Variants in SCD5 observed in about 807,000 individuals in gnomAD.
SCD5 encodes stearoyl-CoA desaturase 5, also known as acyl-CoA-desaturase 4.
Under a neutral mutation model 30.4 loss-of-function variants are expected in SCD5, and 20 were observed. The ratio of observed to expected loss-of-function variants is 0.66; its 90% CI spans 0.46 to 0.96. The LOEUF (loss-of-function observed/expected upper bound fraction) is 0.96. Ranked by LOEUF, SCD5 falls within the 40% of genes least tolerant of loss-of-function variation. The pLI is 0.00. For missense variants in SCD5, 381 were observed against 443.3 expected (o/e 0.86, Z 1.26); for synonymous variants, 173 against 176.4 (o/e 0.98, Z 0.16).
intron 3 of SCD5, among the ~76,000 whole-genome samples, chr4:82,664,174 C>T (rs542239923): frequency 2.0e-4 from 30 of 152,264 alleles, no homozygotes; most frequent in African/African-American, 7.2e-4. Context: ...ACTCCTCTGG[C>T]ACATCAGGCT....
chr4:82,689,615 G>A (rs138799661), intron 2 of SCD5, among the ~76,000 whole-genome samples: 13 of 152,298 alleles, frequency 8.5e-5, no homozygotes, highest in African/African-American at 2.9e-4. Flanking sequence ...TTTTGCAGCT[G>A]TCATGGCAAT....
At chr4:82,721,088 G>A (rs966099610) in intron 1 of SCD5, among the ~76,000 whole-genome samples, 1 of 152,140 alleles carries the variant, frequency 6.6e-6, no homozygotes, top group African/African-American at 2.4e-5. Flanking sequence ...TTGAGCCCAG[G>A]ATTTTGAGGC....
At chr4:82,796,067 G>C (rs964941455) in intron 1 of SCD5, among the ~76,000 whole-genome samples, 1 of 151,844 alleles carries the variant, frequency 6.6e-6, no homozygotes, top group African/African-American at 2.4e-5. Flanking sequence ...TCAGGAGATT[G>C]AGACCATCCT....
In SCD5 at chr4:82,636,742, C is replaced by T. The variant is rs1321401265; in HGVS notation, c.651G>A (p.Trp217Ter). 3.1e-6 allele frequency: 5 copies of T among 1,614,088 alleles called. No homozygotes were observed. The highest frequency in any genetic ancestry group is 1.1e-5 in the South Asian group (1 of 91,076). Residue 217 changes from tryptophan (W) to a stop codon, truncating the protein, a stop_gained, in exon 4 of 5, where the codon TGG (tryptophan) becomes TGA (stop). Transcript: ENST00000319540. LOFTEE classifies it high-confidence loss of function. ...GAATAGAGGCCAAGAAGTAGGAATTCCACAGACTCTCTCCCCAGATGTACC... is the reference window on the plus strand; with the variant it reads ...GAATAGAGGCCAAGAAGTAGGAATTTCACAGACTCTCTCCCCAGATGTACC... Reference protein sequence around the residue: ...VPWYIWGESLWNSYFLASILR... With the variant: ...VPWYIWGESL
intron 2 of SCD5, among the ~76,000 whole-genome samples, chr4:82,686,895 GC>G (rs1402792029): frequency 6.6e-6 from 1 of 152,114 alleles, no homozygotes; most frequent in African/African-American, 2.4e-5. Flanking sequence ...TCTTCGCCGG[GC>G]AGGGTGGCTC....
chr4:82,665,017 A>ATATATG (rs1180189591), intron 3 of SCD5, among the ~76,000 whole-genome samples: 1 of 118,114 alleles, frequency 8.5e-6, no homozygotes, highest in East Asian at 2.3e-4. Context: ...ATATATATAT[A>ATATATG]TATGTATAAT....
At chr4:82,756,257 A>G (rs1256788744) in intron 1 of SCD5, among the ~76,000 whole-genome samples, 2 of 152,302 alleles carry the variant, frequency 1.3e-5, no homozygotes, top group African/African-American at 4.8e-5. Flanking sequence ...ATGGTGGGTC[A>G]TCGAGACCCC....
At chr4:82,738,048 A>G (rs1720789989) in intron 1 of SCD5, among the ~76,000 whole-genome samples, 1 of 152,250 alleles carries the variant, frequency 6.6e-6, no homozygotes, top group South Asian at 2.1e-4. Flanking sequence ...AGAGCTGTAC[A>G]AAATACTTAA....
At chr4:82,708,806 C>T (rs1720018583) in intron 1 of SCD5, among the ~76,000 whole-genome samples, 3 of 152,140 alleles carry the variant, frequency 2.0e-5, no homozygotes, top group Admixed American at 2.0e-4. Flanking sequence ...GATGGACAGC[C>T]CCCTTCAAGA....
At position 82,630,427 on chromosome 4, in the gene SCD5, T is replaced by A. The variant is rs1225788219; in HGVS notation, c.*900A>T. ...CCACATAGATCCCCCTTCTGTCTTC[T>A]ACCCTGCCTCTCTGCTCCTTCAGAT... On this transcript the variant is annotated 3_prime_UTR_variant, in exon 5 of 5. Coordinates refer to ENST00000319540, the MANE Select transcript of SCD5 (RefSeq NM_001037582.3). The A allele has an allele frequency of 6.6e-6, 1 of 152,246 alleles. No individual in the cohort carries two copies. The highest frequency in any genetic ancestry group is 1.5e-5 in the Non-Finnish European group (1 of 68,050). 9.4% of individuals were successfully genotyped at this position (152,246 alleles called of 1,614,324 possible).
chr4:82,745,513 T>TC (rs751889568), intron 1 of SCD5, among the ~76,000 whole-genome samples: 13 of 152,232 alleles, frequency 8.5e-5, no homozygotes, highest in Non-Finnish European at 1.5e-4. Context: ...GTTTGTTTTT[T>TC]CCCGACTTTA....
chr4:82,756,810 C>T (rs1721244562), intron 1 of SCD5, among the ~76,000 whole-genome samples: 1 of 151,974 alleles, frequency 6.6e-6, no homozygotes, highest in South Asian at 2.1e-4. Flanking sequence ...GTAGTCTTGC[C>T]CCCCTCAAAT....
intron 4 of SCD5, among the ~76,000 whole-genome samples, chr4:82,632,962 A>G (rs1425967221): frequency 6.6e-6 from 1 of 152,230 alleles, no homozygotes; most frequent in African/African-American, 2.4e-5. Context: ...TGACATGTGC[A>G]TTACCTCACA....
intron 1 of SCD5, among the ~76,000 whole-genome samples, chr4:82,767,886 T>A (rs1721527206): frequency 6.6e-6 from 1 of 152,222 alleles, no homozygotes; most frequent in South Asian, 2.1e-4. Flanking sequence ...GAGGACCCTC[T>A]GGTTCTACTG....
At chr4:82,718,320 G>C (rs1720276643) in intron 1 of SCD5, among the ~76,000 whole-genome samples, 2 of 151,804 alleles carry the variant, frequency 1.3e-5, no homozygotes, top group African/African-American at 2.4e-5. Context: ...AAAAGAGCTG[G>C]AAATTAAAGT....
At chr4:82,704,428 G>C (rs1422273504) in intron 2 of SCD5, among the ~76,000 whole-genome samples, 1 of 152,154 alleles carries the variant, frequency 6.6e-6, no homozygotes, top group African/African-American at 2.4e-5. Flanking sequence ...CTCAGATTAG[G>C]AATTGGGAAA....
intron 1 of SCD5, among the ~76,000 whole-genome samples, chr4:82,777,199 A>C (rs1721761481): frequency 6.6e-6 from 1 of 152,242 alleles, no homozygotes; most frequent in Non-Finnish European, 1.5e-5. Flanking sequence ...GTACAGATGA[A>C]GAACTGAGAT....
chr4:82,728,183 G>A (rs562271398), intron 1 of SCD5, among the ~76,000 whole-genome samples: 1 of 152,252 alleles, frequency 6.6e-6, no homozygotes, highest in South Asian at 2.1e-4. Flanking sequence ...GAGTGAAACT[G>A]CCTTTGCAAA....
intron 4 of SCD5, among the ~76,000 whole-genome samples, chr4:82,634,661 G>GA (rs1331305819): frequency 6.6e-6 from 1 of 152,186 alleles, no homozygotes; most frequent in Non-Finnish European, 1.5e-5. Flanking sequence ...GTCCAGTGTT[G>GA]AGCTGGATAG....
Sources: gnomAD v4.1 joint callset for allele counts (sites outside exome capture counted in the v4.1 genomes callset) on GRCh38, gnomAD v4.1.1 for gene constraint, MANE v1.5 for transcripts, NCBI Gene and HGNC (gene_info 2026-07-23, HGNC 2026-07-21) for gene names.